The following HDAC4 variants were observed in gnomAD, a reference collection of about 807,000 sequenced individuals.
HDAC4 encodes the protein histone deacetylase 4.
Under a neutral mutation model 135.1 loss-of-function variants are expected in HDAC4, and 16 were observed. The ratio of observed to expected loss-of-function variants is 0.12; its 90% CI spans 0.08 to 0.18. The LOEUF (loss-of-function observed/expected upper bound fraction) is 0.18. HDAC4 is among the 10% of genes least tolerant of loss of function. The probability of loss-of-function intolerance (pLI) is 1.00; values close to 1 mark genes in which losing one functional copy is unlikely to be tolerated. For missense variants in HDAC4, 1,143 were observed against 1,511.8 expected (o/e 0.76, Z 4.05); for synonymous variants, 685 against 653.4 (o/e 1.05, Z -0.74).
At chr2:239,183,668 C>T (rs2044299888) in intron 4 of HDAC4, among the ~76,000 whole-genome samples, 1 of 152,194 alleles carries the variant, frequency 6.6e-6, no homozygotes, top group Non-Finnish European at 1.5e-5. Context: ...CCCAGAGGCA[C>T]CACAGAGGGA....
At chr2:239,162,709 G>A (rs866826417) in intron 6 of HDAC4, among the ~76,000 whole-genome samples, 1 of 152,138 alleles carries the variant, frequency 6.6e-6, no homozygotes, top group Non-Finnish European at 1.5e-5. Flanking sequence ...TGTGTCTGCC[G>A]TGAGTGCAGC....
chr2:239,144,234 A>C (rs2041604287), intron 8 of HDAC4, among the ~76,000 whole-genome samples: 1 of 152,158 alleles, frequency 6.6e-6, no homozygotes, highest in African/African-American at 2.4e-5. Context: ...GCGATTCACC[A>C]CTACTAGGGT....
At position 239,054,820 on chromosome 2, in the gene HDAC4, G is replaced by T; in HGVS notation, c.3017C>A (p.Pro1006Gln). ...GGGTCTTTGCTGTAAAACCTTTTCT[G>T]GGAGAGGATCAAGCTGGAAGAAAAT... The part of the protein sequence containing the change: ...ALLGNELDPL[P>Q]EKVLQQRPNA... The change falls in exon 25 of 27, where the codon CCA (proline) becomes CAA (glutamine). Residue 1006 changes from proline (P) to glutamine (Q), a missense_variant. By Grantham distance (76) the Pro-to-Gln change is moderately conservative (BLOSUM62 -1). Around this residue, in one of 9 missense-constraint regions of HDAC4, gnomAD observed 131 missense variants for 130.6 expected, o/e 1.00. Coordinates refer to ENST00000543185, the MANE Select transcript of HDAC4 (RefSeq NM_001378414.1). The T allele has an allele frequency of 6.2e-7, 1 of 1,610,652 alleles. No individual in the cohort carries two copies. The highest frequency in any genetic ancestry group is 1.1e-5 in the South Asian group (1 of 91,006).
chr2:239,273,628 A>C (rs1489587930), intron 2 of HDAC4, among the ~76,000 whole-genome samples: 2 of 152,120 alleles, frequency 1.3e-5, no homozygotes, highest in African/African-American at 4.8e-5. Flanking sequence ...CTTGCCAACT[A>C]GCCCCGGTCC....
intron 2 of HDAC4, among the ~76,000 whole-genome samples, chr2:239,292,221 G>T (rs1186550857): frequency 6.6e-6 from 1 of 152,254 alleles, no homozygotes; most frequent in Non-Finnish European, 1.5e-5. Context: ...AGCCGGGCAG[G>T]TGCTGCAATG....
intron 6 of HDAC4, 77 bp from the exon 7 acceptor site, chr2:239,156,850 C>T: frequency 6.4e-7 from 1 of 1,567,438 alleles, no homozygotes; most frequent in Admixed American, 1.7e-5. Flanking sequence ...AGAAGCCACA[C>T]ACGATGATCT....
At chr2:239,134,136 TG>T in intron 11 of HDAC4, 108 bp downstream of exon 11, 2 of 814,332 alleles carry the variant, frequency 2.5e-6, no homozygotes, top group South Asian at 1.4e-5. Context: ...ACTGTGGGGG[TG>T]GGACAGGCGT....
rs2043203615 is a variant in HDAC4, at chr2:239,167,840, G to A, written c.491-3917C>T. 6.6e-6 allele frequency among the ~76,000 whole-genome samples: 1 copy of A among 151,948 alleles called. No homozygotes were observed. The highest frequency in any genetic ancestry group is 6.6e-5 in the Admixed American group (1 of 15,260). On this transcript the variant is annotated intron_variant, in intron 5 of 26. Transcript: ENST00000543185. The surrounding 1 kb of genome is among the most constrained non-coding windows in gnomAD (Gnocchi z 4.1). ...TTCTGGCCAGCAGAGATGAAGCGGTGGATAAAAGAGGCCAAGTTCTTCCCA... is the reference window on the plus strand; with the variant it reads ...TTCTGGCCAGCAGAGATGAAGCGGTAGATAAAAGAGGCCAAGTTCTTCCCA...
At chr2:239,241,800 T>G (rs899154991) in intron 2 of HDAC4, among the ~76,000 whole-genome samples, 11 of 152,202 alleles carry the variant, frequency 7.2e-5, no homozygotes, top group Non-Finnish European at 1.2e-4. Context: ...CTCAGTGTTA[T>G]TAAGAGGTCT....
chr2:239,126,335 T>A (rs975544269), intron 12 of HDAC4, 121 bp downstream of exon 12: 1 of 1,535,028 alleles, frequency 6.5e-7, no homozygotes, highest in East Asian at 2.3e-5. Context: ...CCTCCTCGGT[T>A]CCCTCTTTCT....
Position 239,054,782 on chromosome 2 carries a change from C to T in HDAC4, c.3055G>A (p.Val1019Ile). ...TCCATGACTTTCTCCATGGAACGGA[C>T]AGCGTTTGCATTGGGTCTTTGCTGT... ...VLQQRPNANA[V>I]RSMEKVMEIH... The change falls in exon 25 of 27, where the codon GTC (valine) becomes ATC (isoleucine). Residue 1019 changes from valine to isoleucine, a missense_variant. Val to Ile is a conservative substitution (Grantham distance 29). This residue lies in a region of HDAC4 where 131 missense variants were observed against 130.6 expected (regional missense o/e 1.00). Transcript: ENST00000543185. 6.2e-7 allele frequency: 1 copy of T among 1,613,650 alleles called. No individual in the cohort carries two copies. Among genetic ancestry groups the T allele is most frequent in the Non-Finnish European group, 8.5e-7 (1 of 1,179,586 alleles).
chr2:239,333,746 T>G (rs1402374557), intron 2 of HDAC4, among the ~76,000 whole-genome samples: 2 of 152,214 alleles, frequency 1.3e-5, no homozygotes, highest in Non-Finnish European at 2.9e-5. Flanking sequence ...CAATTTCACA[T>G]GACTCCATCT....
At chr2:239,281,472 A>C (rs2050744244) in intron 2 of HDAC4, among the ~76,000 whole-genome samples, 1 of 139,032 alleles carries the variant, frequency 7.2e-6, no homozygotes, top group Non-Finnish European at 1.5e-5. Flanking sequence ...ACCACTCTAC[A>C]ATGTACACAC....
At chr2:239,091,320 GT>G (rs915953592) in intron 17 of HDAC4, 1 of 152,386 alleles carries the variant, frequency 6.6e-6, no homozygotes, top group African/African-American at 2.4e-5. Flanking sequence ...CTGAGCATCT[GT>G]CCCCAAGTGT....
At position 239,048,280 on chromosome 2, in the gene HDAC4, A is replaced by G. The variant is rs908262470; in HGVS notation, c.*4817T>C. 4 of 152,450 alleles carry G rather than the reference A, an allele frequency of 2.6e-5. No individual in the cohort carries two copies. The highest frequency in any genetic ancestry group is 2.1e-4 in the South Asian group (1 of 4,832). The allele number at this position is 152,450 out of a possible 1,614,324, so 9.4% of individuals were successfully genotyped here. A position where few individuals can be genotyped will look rare whatever the true frequency, so the allele number is the denominator to read the frequency against. On this transcript the variant is annotated 3_prime_UTR_variant, in exon 27 of 27. Coordinates refer to ENST00000543185, the MANE Select transcript of HDAC4 (RefSeq NM_001378414.1). Reference sequence around the variant, plus strand: ...GAAAGAAGGTGACCGTCAGAAGAGGATATCATTGGTCGGTGAAAATCCACC... The same window carrying G: ...GAAAGAAGGTGACCGTCAGAAGAGGGTATCATTGGTCGGTGAAAATCCACC...
At chr2:239,143,845 C>T (rs2041573025) in intron 8 of HDAC4, among the ~76,000 whole-genome samples, 1 of 152,264 alleles carries the variant, frequency 6.6e-6, no homozygotes, top group African/African-American at 2.4e-5. Flanking sequence ...TGAACACTTT[C>T]TGTTGTGCAA....
chr2:239,400,555 C>G lies in HDAC4; in HGVS notation c.-220+423G>C, dbSNP rs985899698. 1 of 145,684 alleles carries G rather than the reference C, an allele frequency of 6.9e-6. No individual in the cohort carries two copies. The highest frequency in any genetic ancestry group is 1.5e-5 in the Non-Finnish European group (1 of 65,556). The allele number at this position is 145,684 out of a possible 1,614,324, so 9.0% of individuals were successfully genotyped here. ...GGCGCGCGGCCAGCGCTGGCCCCCG[C>G]CTCCCACGGCCGCGCGCGGGGCGGG... On this transcript the variant is annotated intron_variant, in intron 1 of 26. Transcript: ENST00000543185. This position sits in a 1 kb window ranked among gnomAD's most constrained non-coding sequence, Gnocchi z 4.7.
At chr2:239,082,441 C>A (rs1361694057) in intron 20 of HDAC4, among the ~76,000 whole-genome samples, 1 of 152,224 alleles carries the variant, frequency 6.6e-6, no homozygotes, top group Admixed American at 6.5e-5. Flanking sequence ...GGCCAATGTT[C>A]GCGTCTGCAG....
At chr2:239,155,964 C>T (rs1444698190) in intron 7 of HDAC4, among the ~76,000 whole-genome samples, 1 of 152,214 alleles carries the variant, frequency 6.6e-6, no homozygotes, top group Non-Finnish European at 1.5e-5. Flanking sequence ...CAGCGCACTG[C>T]CCACAGCCAC....
Sources: gnomAD v4.1 joint callset for allele counts (sites outside exome capture counted in the v4.1 genomes callset) on GRCh38, gnomAD v4.1.1 for gene constraint, gnomAD v4.1.1 regional missense constraint, Gnocchi (gnomAD v3.1) non-coding constraint, MANE v1.5 for transcripts, NCBI Gene and HGNC (gene_info 2026-07-23, HGNC 2026-07-21) for gene names.